The following TTC28 variants were observed in gnomAD, a reference collection of about 807,000 sequenced individuals.
TTC28 encodes the protein tetratricopeptide repeat protein 28.
TTC28 carries 61 observed loss-of-function variants against 198.0 expected under a neutral mutation model. The observed-to-expected ratio is 0.31, with a 90% CI of 0.25 to 0.38. The LOEUF (loss-of-function observed/expected upper bound fraction) is 0.38. TTC28 is among the 10% of genes least tolerant of loss of function. The pLI, the probability that TTC28 is intolerant of heterozygous loss-of-function variation, is 1.00. For synonymous variants in TTC28, 1,171 were observed against 1,297.8 expected (o/e 0.90, Z 2.10); for missense variants, 2,678 against 3,164.0 (o/e 0.85, Z 3.69).
At chr22:28,661,505 G>A (rs1202214201) in intron 1 of TTC28, among the ~76,000 whole-genome samples, 7 of 152,070 alleles carry the variant, frequency 4.6e-5, no homozygotes, top group African/African-American at 1.7e-4. Flanking sequence ...CTGTAGCTTG[G>A]AACTACTGGG....
chr22:28,460,017 T>C (rs2047923607), intron 2 of TTC28: 1 of 152,206 alleles, frequency 6.6e-6, no homozygotes, highest in South Asian at 2.1e-4. Context: ...GTTAAGATGG[T>C]AAATTTTATT....
At chr22:28,177,204 GAC>G (rs1569180791) in intron 5 of TTC28, among the ~76,000 whole-genome samples, 1 of 152,240 alleles carries the variant, frequency 6.6e-6, no homozygotes, top group South Asian at 2.1e-4. Flanking sequence ...TATCTGAAGA[GAC>G]AGCTCATTAG....
At chr22:28,336,910 A>T (rs982862298) in intron 2 of TTC28, among the ~76,000 whole-genome samples, 25 of 151,670 alleles carry the variant, frequency 1.6e-4, no homozygotes, top group African/African-American at 5.3e-4. Context: ...CTTGCTTCTC[A>T]AGTTCTTTTA....
chr22:28,577,920 C>T (rs1459996201), intron 2 of TTC28, among the ~76,000 whole-genome samples: 2 of 151,880 alleles, frequency 1.3e-5, no homozygotes. Flanking sequence ...TCCATTCATC[C>T]ACCCTATGAC....
intron 2 of TTC28, among the ~76,000 whole-genome samples, chr22:28,341,243 C>T (rs1309631606): frequency 1.3e-5 from 2 of 152,196 alleles, no homozygotes; most frequent in Non-Finnish European, 1.5e-5. Flanking sequence ...GAAAAAACTG[C>T]TCCATTAATT....
intron 12 of TTC28, among the ~76,000 whole-genome samples, chr22:28,037,892 A>G (rs1278300095): frequency 6.6e-6 from 1 of 152,256 alleles, no homozygotes; most frequent in African/African-American, 2.4e-5. Context: ...ACAGAGAGCC[A>G]AATCATGAGT....
chr22:28,641,876 C>T (rs9625520), intron 1 of TTC28, among the ~76,000 whole-genome samples: 8 of 151,908 alleles, frequency 5.3e-5, no homozygotes, highest in African/African-American at 1.7e-4. Context: ...AAATTTATAA[C>T]ACAAAATGCA....
At chr22:28,231,768 C>T (rs1419503000) in intron 5 of TTC28, among the ~76,000 whole-genome samples, 1 of 152,184 alleles carries the variant, frequency 6.6e-6, no homozygotes, top group Non-Finnish European at 1.5e-5. Flanking sequence ...AGTCAAACAT[C>T]AGGTCATTTG....
chr22:28,463,418 T>C (rs60042154), intron 2 of TTC28, among the ~76,000 whole-genome samples: 17,723 of 152,150 alleles, frequency 0.12, 1,262 homozygotes, highest in African/African-American at 0.18. Context: ...ACTGGGTATA[T>C]ACCCAAAGGA....
chr22:28,605,417 A>G (rs2050713236), intron 2 of TTC28, among the ~76,000 whole-genome samples: 1 of 152,222 alleles, frequency 6.6e-6, no homozygotes, highest in African/African-American at 2.4e-5. Flanking sequence ...GGCAGCTAGA[A>G]AACATACTTT....
chr22:28,442,182 GC>G (rs2047633415), intron 2 of TTC28, among the ~76,000 whole-genome samples: 1 of 151,968 alleles, frequency 6.6e-6, no homozygotes, highest in African/African-American at 2.4e-5. Flanking sequence ...AAAGCAAAGT[GC>G]CCCCTCCCCC....
At position 28,120,296 on chromosome 22, in the gene TTC28, GT is replaced by G. The variant is rs533611949; in HGVS notation, c.1442-11894del. ...CTCAGATACCCTAAAATTCAAAAAT[GT>G]TTGCTATATTGTTGAGCTTAATTAA... On this transcript the variant is annotated intron_variant, in intron 6 of 22. Coordinates refer to ENST00000397906, the MANE Select transcript of TTC28 (RefSeq NM_001145418.2). Among the ~76,000 whole-genome samples, 89 of 152,186 alleles carry G rather than the reference GT, an allele frequency of 5.8e-4. 1 individual carries two copies. Among genetic ancestry groups the G allele is most frequent in the Admixed American group, 5.0e-3 (76 of 15,280 alleles).
chr22:28,624,996 A>C (rs1569067726), intron 2 of TTC28, among the ~76,000 whole-genome samples: 1 of 152,186 alleles, frequency 6.6e-6, no homozygotes, highest in Non-Finnish European at 1.5e-5. Flanking sequence ...CTAGCTAAAA[A>C]AATTATAATT....
intron 2 of TTC28, among the ~76,000 whole-genome samples, chr22:28,486,312 T>C (rs2048314357): frequency 6.6e-6 from 1 of 152,132 alleles, no homozygotes; most frequent in African/African-American, 2.4e-5. Context: ...ATAAAAGGAC[T>C]ATAATCAGAG....
At chr22:27,986,472 C>G (rs1937219438) in intron 21 of TTC28, 1 of 152,210 alleles carries the variant, frequency 6.6e-6, no homozygotes. Context: ...AATTTAGGGC[C>G]TGAAGAGTCT....
At chr22:28,114,111 T>A (rs9620771) in intron 6 of TTC28, among the ~76,000 whole-genome samples, 10,812 of 152,252 alleles carry the variant, frequency 0.071, 437 homozygotes, top group South Asian at 0.09. Context: ...ATTTCATTTC[T>A]AATGATCTTA....
At position 27,999,031 on chromosome 22, in the gene TTC28, A is replaced by G. The variant is rs1438872325; in HGVS notation, c.4628T>C (p.Val1543Ala). 9.0e-6 allele frequency: 14 copies of G among 1,550,248 alleles called. No homozygotes were observed. The highest frequency in any genetic ancestry group is 1.2e-5 in the Non-Finnish European group (14 of 1,146,968). ...CCAGGAGATGTGGGTGGCAAAGTGG[A>G]CGCATTCAGCCTGGGTCAGGGCACT... ...VMSALTQAECVHFATHISWKL... is the reference protein window; with the variant it reads ...VMSALTQAECAHFATHISWKL... Residue 1543 changes from valine (V) to alanine (A), a missense_variant, in exon 16 of 23, where the codon GTC becomes GCC. By Grantham distance (64) the Val-to-Ala change is moderately conservative. Coordinates refer to ENST00000397906, the MANE Select transcript of TTC28 (RefSeq NM_001145418.2).
intron 2 of TTC28, among the ~76,000 whole-genome samples, chr22:28,513,558 G>T (rs2048725430): frequency 6.6e-6 from 1 of 152,078 alleles, no homozygotes; most frequent in Non-Finnish European, 1.5e-5. Context: ...AGCTATGATG[G>T]CACCACTGCA....
At chr22:28,087,892 T>C (rs1395443102) in intron 12 of TTC28, among the ~76,000 whole-genome samples, 1 of 152,190 alleles carries the variant, frequency 6.6e-6, no homozygotes, top group Non-Finnish European at 1.5e-5. Context: ...AGCCAAATCA[T>C]GAGTGAACTC....
Sources: allele counts gnomAD v4.1 joint callset (sites outside exome capture counted in the v4.1 genomes callset), GRCh38; gene constraint gnomAD v4.1.1; transcripts MANE v1.5; gene names NCBI Gene and HGNC (gene_info 2026-07-23, HGNC 2026-07-21).